ZNF326: variants seen among roughly 807,000 people sequenced by gnomAD.
ZNF326 encodes zinc finger protein 326, also known as DBIRD complex subunit ZNF326.
Under a neutral mutation model 63.1 loss-of-function variants are expected in ZNF326, and 30 were observed. That is an observed-to-expected ratio of 0.48 (90% CI 0.36 to 0.64). The LOEUF is 0.64. Ranked by LOEUF, ZNF326 falls within the 30% of genes least tolerant of loss-of-function variation. The pLI, the probability that ZNF326 is intolerant of heterozygous loss-of-function variation, is 0.00. For missense variants in ZNF326, 609 were observed against 720.3 expected (o/e 0.85, Z 1.77); for synonymous variants, 194 against 228.2 (o/e 0.85, Z 1.35).
intron 6 of ZNF326, among the ~76,000 whole-genome samples, chr1:90,012,368 A>T (rs1649292882): frequency 6.6e-6 from 1 of 152,196 alleles, no homozygotes; most frequent in African/African-American, 2.4e-5. Context: ...AGACAGGATG[A>T]TTCTAGGTAT....
At chr1:90,020,753 A>C in intron 9 of ZNF326, 39 bp from the exon 10 acceptor site, 1 of 1,574,496 alleles carries the variant, frequency 6.4e-7, no homozygotes, top group Non-Finnish European at 8.6e-7. Flanking sequence ...CAGAAATAAC[A>C]TATGAATTAT....
chr1:90,008,147 T>C (rs531267549), intron 5 of ZNF326, among the ~76,000 whole-genome samples: 1 of 152,350 alleles, frequency 6.6e-6, no homozygotes, highest in South Asian at 2.1e-4. Flanking sequence ...ATAAAATGTT[T>C]ATACTTTGTG....
In ZNF326 at chr1:90,020,923, G is replaced by A; in HGVS notation, c.1305+1G>A. On this transcript the variant is annotated splice_donor_variant, in intron 10 of 11. Coordinates refer to ENST00000340281, the MANE Select transcript of ZNF326 (RefSeq NM_182976.4). LOFTEE classifies it high-confidence loss of function. ...TCCTGATCATATCAAAGGGAAGCAG[G>A]TAAAATTTTCATCTGTCTTAATAAA... The A allele has an allele frequency of 6.2e-7, 1 of 1,610,544 alleles. No homozygotes were observed. Among genetic ancestry groups the A allele is most frequent in the Non-Finnish European group, 8.5e-7 (1 of 1,178,516 alleles).
intron 11 of ZNF326, among the ~76,000 whole-genome samples, chr1:90,023,842 A>C (rs1185172596): frequency 6.6e-6 from 1 of 152,150 alleles, no homozygotes; most frequent in Non-Finnish European, 1.5e-5. Flanking sequence ...TGTTGTAGAG[A>C]ACACACCTGA....
Position 90,030,526 on chromosome 1 carries a change from T to C in ZNF326, c.*2825T>C, listed in dbSNP as rs1051090747. 5 of 152,210 alleles carry C rather than the reference T, an allele frequency of 3.3e-5. No homozygotes were observed. The highest frequency in any genetic ancestry group is 2.6e-4 in the Admixed American group (4 of 15,278). The allele number at this position is 152,210 out of a possible 1,614,324, so 9.4% of individuals were successfully genotyped here. A position where few individuals can be genotyped will look rare whatever the true frequency, so the allele number is the denominator to read the frequency against. ...TTCTATAGCCTATACCCATCAGCTT[T>C]CCTTGGCTGATTCTTCATCCTTCAG... On this transcript the variant is annotated 3_prime_UTR_variant, in exon 12 of 12. Coordinates refer to ENST00000340281, the MANE Select transcript of ZNF326 (RefSeq NM_182976.4).
intron 7 of ZNF326, among the ~76,000 whole-genome samples, chr1:90,016,215 G>C (rs1649495427): frequency 6.6e-6 from 1 of 151,784 alleles, no homozygotes; most frequent in African/African-American, 2.4e-5. Flanking sequence ...AGAAAACCAA[G>C]GCCCAGAAAA....
intron 1 of ZNF326, among the ~76,000 whole-genome samples, chr1:89,995,730 G>A (rs1648330154): frequency 6.6e-6 from 1 of 152,256 alleles, no homozygotes; most frequent in Non-Finnish European, 1.5e-5. Flanking sequence ...AATTTTCAGA[G>A]GCTTGTTCAC....
rs530744804 is a variant in ZNF326 at position 90,028,004 on chromosome 1, A to G, written c.*303A>G. On this transcript the variant is annotated 3_prime_UTR_variant, in exon 12 of 12. Coordinates refer to ENST00000340281, the MANE Select transcript of ZNF326 (RefSeq NM_182976.4). ...ACAAATGTGTATTGTTAGTATATCT[A>G]TTCTAATCATTTTATCTTAAATGCT... 10 of 292,346 alleles carry G rather than the reference A, an allele frequency of 3.4e-5. No individual in the cohort carries two copies. The highest frequency in any genetic ancestry group is 2.2e-4 in the African/African-American group (10 of 44,716). The allele number at this position is 292,346 out of a possible 1,614,324, so 18.1% of individuals were successfully genotyped here.
At position 90,007,426 on chromosome 1, in the gene ZNF326, A is replaced by G; in HGVS notation, c.291A>G (p.Glu97=). 3.1e-6 allele frequency: 5 copies of G among 1,613,816 alleles called. No individual in the cohort carries two copies. The highest frequency in any genetic ancestry group is 4.2e-6 in the Non-Finnish European group (5 of 1,179,930). The stretch of plus-strand genomic sequence containing the variant: ...ACAGATCTGGCTATGGTTTTAATGA[A>G]CCCGAACAAAGCCGCTTCGGAGGTA... The part of the protein sequence containing the change: ...DLYRSGYGFN[E]PEQSRFGGSY... Residue 97 remains glutamate (E), a synonymous_variant, in exon 5 of 12, where the codon GAA becomes GAG. Transcript: ENST00000340281. The surrounding 1 kb of genome is among the most constrained non-coding windows in gnomAD (Gnocchi z 4.9).
At chr1:90,024,622 A>G (rs1649926181) in intron 11 of ZNF326, among the ~76,000 whole-genome samples, 2 of 151,854 alleles carry the variant, frequency 1.3e-5, no homozygotes, top group Admixed American at 1.3e-4. Context: ...TTTCTTATAT[A>G]TATATATTTT....
chr1:90,010,749 A>G lies in ZNF326; in HGVS notation c.814+463A>G, dbSNP rs113899580. Among the ~76,000 whole-genome samples the G allele has an allele frequency of 2.1e-4, 32 of 152,296 alleles. 1 individual carries two copies. Among genetic ancestry groups the G allele is most frequent in the African/African-American group, 7.0e-4 (29 of 41,580 alleles). On this transcript the variant is annotated intron_variant, in intron 6 of 11. Transcript: ENST00000340281. ...CTAATTATGACATTATAGACATTTT[A>G]ATATGTAATATTTGAAAAAACTGAA...
chr1:90,028,253 T>C lies in ZNF326; in HGVS notation c.*552T>C, dbSNP rs904114427. ...TTTCTCCCTGGATTAGCAGTTTAAATGAAACAGAGTTCATCAATGAAATGA... is the reference window on the plus strand; with the variant it reads ...TTTCTCCCTGGATTAGCAGTTTAAACGAAACAGAGTTCATCAATGAAATGA... On this transcript the variant is annotated 3_prime_UTR_variant, in exon 12 of 12. Coordinates refer to ENST00000340281, the MANE Select transcript of ZNF326 (RefSeq NM_182976.4). 1.3e-5 allele frequency: 2 copies of C among 152,930 alleles called. No individual in the cohort carries two copies. Among genetic ancestry groups the C allele is most frequent in the African/African-American group, 2.4e-5 (1 of 41,464 alleles). The allele number at this position is 152,930 out of a possible 1,614,324, so 9.5% of individuals were successfully genotyped here.
chr1:90,006,522 C>G, intron 4 of ZNF326: 26 of 966,320 alleles, frequency 2.7e-5, no homozygotes, highest in Non-Finnish European at 3.2e-5. Context: ...CTTAAAACCT[C>G]GAGGAGACTG....
chr1:90,010,905 T>G (rs1363323033), intron 6 of ZNF326, among the ~76,000 whole-genome samples: 1 of 152,188 alleles, frequency 6.6e-6, no homozygotes, highest in Admixed American at 6.5e-5. Flanking sequence ...TTCTGGAATT[T>G]CTGGAGTTCT....
intron 6 of ZNF326, 76 bp from the exon 7 acceptor site, chr1:90,013,050 A>G (rs1288894062): frequency 7.9e-7 from 1 of 1,268,620 alleles, no homozygotes; most frequent in Non-Finnish European, 1.1e-6. Flanking sequence ...ATAAGTATGT[A>G]CTTTACGAAC....
At chr1:90,009,543 A>G (rs1649141041) in intron 5 of ZNF326, among the ~76,000 whole-genome samples, 1 of 152,176 alleles carries the variant, frequency 6.6e-6, no homozygotes, top group South Asian at 2.1e-4. Flanking sequence ...AAGTTGATGC[A>G]TGGTTATGCT....
chr1:90,020,291 C>T (rs1033716108), intron 9 of ZNF326, among the ~76,000 whole-genome samples: 14 of 151,882 alleles, frequency 9.2e-5, no homozygotes, highest in South Asian at 4.2e-4. Context: ...CTGTTCCAGT[C>T]GTACTAACTT....
chr1:90,016,922 C>T (rs1485878335), intron 7 of ZNF326, among the ~76,000 whole-genome samples: 1 of 152,110 alleles, frequency 6.6e-6, no homozygotes, highest in Non-Finnish European at 1.5e-5. Context: ...TGGTGTGCCA[C>T]CTTGCTTTAT....
intron 1 of ZNF326, among the ~76,000 whole-genome samples, chr1:89,996,539 T>C (rs531737743): frequency 6.6e-6 from 1 of 152,318 alleles, no homozygotes; most frequent in Admixed American, 6.5e-5. Context: ...TTGTTTGTTT[T>C]GGTTGGACTT....
Sources: gnomAD v4.1 joint callset for allele counts (sites outside exome capture counted in the v4.1 genomes callset) on GRCh38, gnomAD v4.1.1 for gene constraint, Gnocchi (gnomAD v3.1) non-coding constraint, MANE v1.5 for transcripts, NCBI Gene and HGNC (gene_info 2026-07-23, HGNC 2026-07-21) for gene names.